C4orf51: variants seen among roughly 807,000 people sequenced by gnomAD.
The protein encoded by C4orf51 is uncharacterized protein C4orf51.
Under a neutral mutation model 25.2 loss-of-function variants are expected in C4orf51, and 25 were observed. That is an observed-to-expected ratio of 0.99 (90% CI 0.72 to 1.39). C4orf51 has a LOEUF of 1.39. Among genes scored for constraint, C4orf51 ranks in the 40% most tolerant of loss-of-function variants. The pLI, the probability that C4orf51 is intolerant of heterozygous loss-of-function variation, is 0.00. For missense variants in C4orf51, 252 were observed against 239.6 expected (o/e 1.05, Z -0.34); for synonymous variants, 100 against 84.5 (o/e 1.18, Z -1.01).
chr4:145,741,793 G>GCTC (rs1733116720), intron 1 of C4orf51, among the ~76,000 whole-genome samples: 1 of 151,988 alleles, frequency 6.6e-6, no homozygotes, highest in Non-Finnish European at 1.5e-5. Flanking sequence ...TGCCTCCCAG[G>GCTC]CTCAAGTGAT....
intron 5 of C4orf51, among the ~76,000 whole-genome samples, chr4:145,730,469 G>T (rs141727033): frequency 0.016 from 2,388 of 152,200 alleles, 33 homozygotes; most frequent in Middle Eastern, 0.027. Context: ...AAACCCCAGG[G>T]CTTTTAAACA....
At chr4:145,768,047 C>T (rs1183203096) in intron 1 of C4orf51, among the ~76,000 whole-genome samples, 1 of 152,112 alleles carries the variant, frequency 6.6e-6, no homozygotes, top group Non-Finnish European at 1.5e-5. Context: ...TATAAGTAAA[C>T]ATATGACAAT....
intron 1 of C4orf51, among the ~76,000 whole-genome samples, chr4:145,746,436 A>G (rs1014502035): frequency 6.6e-6 from 1 of 152,132 alleles, no homozygotes; most frequent in Non-Finnish European, 1.5e-5. Flanking sequence ...GCATATGGAT[A>G]TCTAGTTTTC....
downstream of C4orf51, among the ~76,000 whole-genome samples, chr4:145,756,058 C>CATTA (rs1457301921): frequency 2.6e-5 from 4 of 152,322 alleles, no homozygotes; most frequent in African/African-American, 9.6e-5. Flanking sequence ...ATGGAGGTGA[C>CATTA]TAATGAGATG....
chr4:145,708,690 T>C (rs1578966517), intron 2 of C4orf51, among the ~76,000 whole-genome samples: 1 of 152,228 alleles, frequency 6.6e-6, no homozygotes, highest in East Asian at 1.9e-4. Flanking sequence ...CCCCTAACCT[T>C]GCCTTCATCA....
At chr4:145,716,369 G>C (rs2126737774) in intron 2 of C4orf51, among the ~76,000 whole-genome samples, 1 of 152,258 alleles carries the variant, frequency 6.6e-6, no homozygotes, top group East Asian at 1.9e-4. Flanking sequence ...CTTCAGCCTG[G>C]AAGTGACTTG....
At chr4:145,774,655 A>T, downstream of C4orf51, 1 of 1,613,848 alleles carries the variant, frequency 6.2e-7, no homozygotes, top group Non-Finnish European at 8.5e-7. Context: ...CTCGGTCTCA[A>T]ATCCACACAC....
intron 1 of C4orf51, among the ~76,000 whole-genome samples, chr4:145,680,806 A>G (rs1728794576): frequency 6.6e-6 from 1 of 152,086 alleles, no homozygotes; most frequent in Admixed American, 6.6e-5. Context: ...TCAGAGGAGG[A>G]AGAAATTCAT....
chr4:145,769,349 A>T (rs1243223382), intron 1 of C4orf51, among the ~76,000 whole-genome samples: 4 of 152,174 alleles, frequency 2.6e-5, no homozygotes, highest in African/African-American at 7.2e-5. Context: ...TCTAGGTAGA[A>T]CATTTTTAGC....
At chr4:145,739,124 G>A (rs1732962126) in intron 1 of C4orf51, among the ~76,000 whole-genome samples, 1 of 152,136 alleles carries the variant, frequency 6.6e-6, no homozygotes, top group Non-Finnish European at 1.5e-5. Flanking sequence ...CTTTCTCTTA[G>A]TCATTTGTCA....
chr4:145,694,028 G>A (rs1729835788), intron 1 of C4orf51, among the ~76,000 whole-genome samples: 2 of 137,352 alleles, frequency 1.5e-5, no homozygotes, highest in African/African-American at 5.5e-5. Context: ...CTTCTCAGAC[G>A]GGGCGGCCGG....
intron 2 of C4orf51, among the ~76,000 whole-genome samples, chr4:145,700,161 T>C: frequency 8.8e-6 from 1 of 113,920 alleles, no homozygotes; most frequent in Admixed American, 9.6e-5. Context: ...TGCCCCAACC[T>C]CTTATCTCTA....
In C4orf51 at chr4:145,761,939, C is replaced by T. The variant is rs534443397; in HGVS notation, n.167-9049C>T. On this transcript the variant is annotated intron_variant and non_coding_transcript_variant, in intron 1 of 1. Coordinates refer to the C4orf51 transcript ENST00000510096. This position sits in a 1 kb window ranked among gnomAD's most constrained non-coding sequence, Gnocchi z 6.8. ...CCCCTCCAGCCCCCGCCCGGCCCCTCGGAGCCCTCCCCACTCCCGACCAGA... is the reference window on the plus strand; with the variant it reads ...CCCCTCCAGCCCCCGCCCGGCCCCTTGGAGCCCTCCCCACTCCCGACCAGA... Among the ~76,000 whole-genome samples, 3 of 152,236 alleles carry T rather than the reference C, an allele frequency of 2.0e-5. No homozygotes were observed. The highest frequency in any genetic ancestry group is 2.1e-4 in the South Asian group (1 of 4,822).
intron 1 of C4orf51, among the ~76,000 whole-genome samples, chr4:145,690,078 G>C (rs1006262661): frequency 2.6e-5 from 4 of 151,906 alleles, no homozygotes; most frequent in African/African-American, 9.7e-5. Context: ...GTGGTAACAG[G>C]CACCTGTAAT....
the C4orf51 span, chr4:145,779,477 T>A: frequency 6.2e-7 from 1 of 1,614,240 alleles, no homozygotes; most frequent in Non-Finnish European, 8.5e-7. Context: ...AGGATGGTAA[T>A]CCATTTCCTG....
chr4:145,715,455 C>T (rs548446052), intron 2 of C4orf51, among the ~76,000 whole-genome samples: 27 of 152,256 alleles, frequency 1.8e-4, no homozygotes, highest in Admixed American at 1.7e-3. Flanking sequence ...TGGGAAGAAT[C>T]GTGGGCTGAG....
the C4orf51 span, among the ~76,000 whole-genome samples, chr4:145,787,544 T>C: frequency 6.6e-6 from 1 of 152,022 alleles, no homozygotes; most frequent in Non-Finnish European, 1.5e-5. Context: ...TCTTTTTAGA[T>C]GTAAGAGTTA....
chr4:145,775,993 C>A, downstream of C4orf51: 1 of 1,612,170 alleles, frequency 6.2e-7, no homozygotes, highest in Non-Finnish European at 8.5e-7. Flanking sequence ...AAGCCCAAAT[C>A]GCTTTCAAAA....
intron 1 of C4orf51, among the ~76,000 whole-genome samples, chr4:145,696,301 G>A (rs1272855282): frequency 6.6e-6 from 1 of 152,160 alleles, no homozygotes; most frequent in Non-Finnish European, 1.5e-5. Flanking sequence ...TCTACTGGAT[G>A]GTGGAGGGTG....
Sources: allele counts gnomAD v4.1 joint callset (sites outside exome capture counted in the v4.1 genomes callset), GRCh38; gene constraint gnomAD v4.1.1; non-coding constraint Gnocchi (gnomAD v3.1); transcripts MANE v1.5; gene names NCBI Gene and HGNC (gene_info 2026-07-23, HGNC 2026-07-21).